The following CDYL2 variants were observed in gnomAD, a reference collection of about 807,000 sequenced individuals.
CDYL2 encodes the protein chromodomain Y like 2, also known as chromodomain Y-like protein 2.
A neutral mutation model predicts 49.4 loss-of-function variants in CDYL2; 23 were observed. That is an observed-to-expected ratio of 0.47 (90% CI 0.34 to 0.66). The LOEUF (loss-of-function observed/expected upper bound fraction) is 0.66. Among genes scored for constraint, CDYL2 ranks in the 30% least tolerant of loss-of-function variants. The probability of loss-of-function intolerance (pLI) is 0.01; values close to 1 mark genes in which losing one functional copy is unlikely to be tolerated. For synonymous variants in CDYL2, 360 were observed against 268.8 expected (o/e 1.34, Z -3.32); for missense variants, 678 against 656.4 (o/e 1.03, Z -0.36).
At chr16:80,735,437 A>C (rs1413398649) in intron 1 of CDYL2, among the ~76,000 whole-genome samples, 2 of 152,226 alleles carry the variant, frequency 1.3e-5, no homozygotes, top group Non-Finnish European at 1.5e-5. Context: ...AATAATAACC[A>C]CGACATTGTC....
At chr16:80,707,570 G>A (rs1188086417) in intron 1 of CDYL2, among the ~76,000 whole-genome samples, 1 of 152,206 alleles carries the variant, frequency 6.6e-6, no homozygotes, top group Non-Finnish European at 1.5e-5. Context: ...AAATGCTCCA[G>A]TTGGGAACAG....
At chr16:80,624,384 T>G (rs1342848130) in intron 3 of CDYL2, among the ~76,000 whole-genome samples, 1 of 152,202 alleles carries the variant, frequency 6.6e-6, no homozygotes, top group Non-Finnish European at 1.5e-5. Context: ...GGATTTGAAG[T>G]TCTGAGTTAC....
At chr16:80,710,103 T>C (rs1012056626) in intron 1 of CDYL2, among the ~76,000 whole-genome samples, 1 of 152,112 alleles carries the variant, frequency 6.6e-6, no homozygotes, top group Non-Finnish European at 1.5e-5. Context: ...AATTTTTGTA[T>C]TTTTAGTACA....
intron 1 of CDYL2, among the ~76,000 whole-genome samples, chr16:80,690,070 G>A (rs753193435): frequency 1.3e-5 from 2 of 151,492 alleles, no homozygotes; most frequent in East Asian, 1.9e-4. Context: ...ACAGTGAGGC[G>A]AGATCGCACC....
At chr16:80,719,061 G>C (rs1247063738) in intron 1 of CDYL2, among the ~76,000 whole-genome samples, 2 of 152,162 alleles carry the variant, frequency 1.3e-5, no homozygotes, top group African/African-American at 4.8e-5. Flanking sequence ...AGATTCCCCA[G>C]GGACTCCTTG....
At chr16:80,670,786 G>A (rs933666923) in intron 2 of CDYL2, among the ~76,000 whole-genome samples, 31 of 152,108 alleles carry the variant, frequency 2.0e-4, no homozygotes, top group Admixed American at 1.6e-3. Flanking sequence ...AGTGTGAATC[G>A]AGGCCTCGAG....
intron 2 of CDYL2, among the ~76,000 whole-genome samples, chr16:80,669,348 C>T (rs1185410841): frequency 6.6e-6 from 1 of 152,186 alleles, no homozygotes. Context: ...AGAGGCCCCA[C>T]GGACCATGGA....
chr16:80,724,914 C>T (rs1195330758), intron 1 of CDYL2, among the ~76,000 whole-genome samples: 6 of 152,190 alleles, frequency 3.9e-5, no homozygotes, highest in South Asian at 2.1e-4. Context: ...AACTGTAAAG[C>T]CAACTCTGTA....
intron 1 of CDYL2, among the ~76,000 whole-genome samples, chr16:80,779,291 A>C (rs543149298): frequency 6.6e-6 from 1 of 152,228 alleles, no homozygotes; most frequent in East Asian, 1.9e-4. Context: ...AAACCCATTA[A>C]TGGTTTTAAA....
chr16:80,703,119 A>G (rs890060054), intron 1 of CDYL2, among the ~76,000 whole-genome samples: 6 of 152,228 alleles, frequency 3.9e-5, no homozygotes, highest in Non-Finnish European at 5.9e-5. Context: ...TCAACCATGT[A>G]GAATATGCAC....
At chr16:80,694,835 A>G (rs1597179862) in intron 1 of CDYL2, among the ~76,000 whole-genome samples, 1 of 152,198 alleles carries the variant, frequency 6.6e-6, no homozygotes, top group Non-Finnish European at 1.5e-5. Flanking sequence ...ACCCTAGAAG[A>G]TCTGAGAGTG....
chr16:80,771,645 T>C (rs1469359076), intron 1 of CDYL2, among the ~76,000 whole-genome samples: 3 of 151,712 alleles, frequency 2.0e-5, no homozygotes, highest in African/African-American at 7.3e-5. Context: ...ATCGCTTGAA[T>C]CCGGGAGGCA....
intron 1 of CDYL2, among the ~76,000 whole-genome samples, chr16:80,793,030 G>A (rs1387178949): frequency 2.6e-5 from 4 of 152,192 alleles, no homozygotes; most frequent in Admixed American, 2.6e-4. Context: ...TTCGCCATCT[G>A]TCCTAGCCTG....
chr16:80,759,150 A>ATATATATATGGTTTATATATAT (rs1211358459), intron 1 of CDYL2, among the ~76,000 whole-genome samples: 1 of 80,838 alleles, frequency 1.2e-5, no homozygotes, highest in African/African-American at 5.0e-5. Flanking sequence ...GGTTTATATA[A>ATATATATATGGTTTATATATAT]ATATATGGTT....
intron 1 of CDYL2, among the ~76,000 whole-genome samples, chr16:80,716,778 T>C (rs920337906): frequency 6.6e-6 from 1 of 151,470 alleles, no homozygotes; most frequent in Non-Finnish European, 1.5e-5. Context: ...GATGACCAGA[T>C]GACTGGATGG....
At chr16:80,666,316 G>A (rs879294923) in intron 2 of CDYL2, among the ~76,000 whole-genome samples, 5 of 152,126 alleles carry the variant, frequency 3.3e-5, no homozygotes, top group South Asian at 2.1e-4. Context: ...TAACTGGGAC[G>A]TCTATTAAGA....
At chr16:80,742,602 G>A (rs1409147199) in intron 1 of CDYL2, among the ~76,000 whole-genome samples, 1 of 151,622 alleles carries the variant, frequency 6.6e-6, no homozygotes, top group East Asian at 1.9e-4. Context: ...ATAGGTGGAG[G>A]ATGGATGGAG....
chr16:80,771,883 G>A (rs1906917186), intron 1 of CDYL2, among the ~76,000 whole-genome samples: 1 of 152,104 alleles, frequency 6.6e-6, no homozygotes, highest in Middle Eastern at 3.2e-3. Flanking sequence ...ACTGAAATAA[G>A]AAGGAAAGAG....
At chr16:80,795,452 C>T (rs955230208) in intron 1 of CDYL2, among the ~76,000 whole-genome samples, 4 of 152,164 alleles carry the variant, frequency 2.6e-5, no homozygotes, top group Admixed American at 6.5e-5. Flanking sequence ...TTTATAAAGT[C>T]CTGGTCAATG....
Sources: allele counts gnomAD v4.1 joint callset (sites outside exome capture counted in the v4.1 genomes callset), GRCh38; gene constraint gnomAD v4.1.1; transcripts MANE v1.5; gene names NCBI Gene and HGNC (gene_info 2026-07-23, HGNC 2026-07-21).